CDH22: variants seen among roughly 807,000 people sequenced by gnomAD.
CDH22 encodes the protein cadherin-22.
In CDH22, 30 loss-of-function variants were observed where a neutral mutation model predicts 58.4. The ratio of observed to expected loss-of-function variants is 0.51; its 90% CI spans 0.38 to 0.70. CDH22 has a LOEUF of 0.70. Ranked by LOEUF, CDH22 falls within the 30% of genes least tolerant of loss-of-function variation. The pLI is 0.00. For missense variants in CDH22, 1,014 were observed against 1,233.9 expected, an observed-to-expected ratio of 0.82 and a Z score of 2.67; for synonymous variants, 513 against 558.2, an observed-to-expected ratio of 0.92 and a Z score of 1.14.
At chr20:46,259,140 T>C (rs1000314357) in intron 1 of CDH22, among the ~76,000 whole-genome samples, 1 of 152,162 alleles carries the variant, frequency 6.6e-6, no homozygotes, top group African/African-American at 2.4e-5. Context: ...GAACATTCCC[T>C]AATGAGCCAG....
At chr20:46,298,424 T>C (rs553701594) in intron 1 of CDH22, among the ~76,000 whole-genome samples, 1 of 152,178 alleles carries the variant, frequency 6.6e-6, no homozygotes, top group Non-Finnish European at 1.5e-5. Context: ...CTTGGATGGA[T>C]GGAGAAGTTG....
intron 8 of CDH22, among the ~76,000 whole-genome samples, chr20:46,191,892 T>A (rs1305851523): frequency 6.6e-6 from 1 of 152,084 alleles, no homozygotes; most frequent in African/African-American, 2.4e-5. Flanking sequence ...AGGCCCCCCA[T>A]GATCATCCTG....
intron 4 of CDH22, among the ~76,000 whole-genome samples, chr20:46,219,241 C>G (rs2086107716): frequency 6.6e-6 from 1 of 152,158 alleles, no homozygotes; most frequent in Non-Finnish European, 1.5e-5. Context: ...TCAGTAGGCC[C>G]CCTCCTGACC....
chr20:46,251,159 C>A lies in CDH22; in HGVS notation c.136G>T (p.Ala46Ser). ...LWAAGTPSPS[A>S]PGARQDGALG... ...GCGCCGTCCTGCCGAGCTCCGGGCGCCGACGGCGAGGGTGTGCCCGCTGCC... is the reference window on the plus strand; with the variant it reads ...GCGCCGTCCTGCCGAGCTCCGGGCGACGACGGCGAGGGTGTGCCCGCTGCC... The change falls in exon 2 of 12, where the codon GCG (alanine) becomes TCG (serine). Residue 46 changes from alanine (A) to serine (S), a missense_variant. Ala to Ser is a moderately conservative substitution (Grantham distance 99). Transcript: ENST00000537909. The surrounding 1 kb of genome is among the most constrained non-coding windows in gnomAD (Gnocchi z 6.7). The A allele has an allele frequency of 6.3e-7, 1 of 1,589,994 alleles. No homozygotes were observed.
intron 7 of CDH22, among the ~76,000 whole-genome samples, chr20:46,200,893 C>A (rs2085955783): frequency 6.6e-6 from 1 of 152,148 alleles, no homozygotes; most frequent in African/African-American, 2.4e-5. Flanking sequence ...CCCAGGGACA[C>A]GCGCTGGGCG....
At chr20:46,203,798 G>A (rs2085979004) in intron 7 of CDH22, among the ~76,000 whole-genome samples, 1 of 152,208 alleles carries the variant, frequency 6.6e-6, no homozygotes, top group Non-Finnish European at 1.5e-5. Context: ...AGTAGTCTGA[G>A]AAGGACAGGA....
intron 2 of CDH22, among the ~76,000 whole-genome samples, chr20:46,244,832 G>A (rs1012318239): frequency 2.0e-5 from 3 of 152,174 alleles, no homozygotes; most frequent in South Asian, 2.1e-4. Context: ...CACAGTCATC[G>A]GTGGCCTCTT....
intron 3 of CDH22, among the ~76,000 whole-genome samples, chr20:46,229,884 G>A (rs970733268): frequency 1.3e-5 from 2 of 152,104 alleles, no homozygotes; most frequent in African/African-American, 4.8e-5. Flanking sequence ...CACAATGCAG[G>A]GCTGAGTGAC....
At chr20:46,235,734 T>C (rs2086247552) in intron 3 of CDH22, among the ~76,000 whole-genome samples, 2 of 152,170 alleles carry the variant, frequency 1.3e-5, no homozygotes, top group Admixed American at 1.3e-4. Flanking sequence ...ACATCCAGAA[T>C]TCCATCTTGT....
In CDH22 at chr20:46,259,033, T is replaced by TTGTACTG. The variant is rs2086419629; in HGVS notation, c.-399-7341_-399-7340insCAGTACA. On this transcript the variant is annotated intron_variant, in intron 1 of 11. Coordinates refer to ENST00000537909, the MANE Select transcript of CDH22 (RefSeq NM_021248.3). ...ACACTACGTGTACTTGACTCTTCTC[T>TTGTACTG]GCCTTGGAAATAGGCCAGATGTGGT... Among the ~76,000 whole-genome samples the TTGTACTG allele has an allele frequency of 2.0e-5, 3 of 152,248 alleles. No individual in the cohort carries two copies. In the South Asian group the frequency reaches 6.2e-4, roughly 31 times the overall value.
chr20:46,274,553 C>T (rs1047142451), intron 1 of CDH22, among the ~76,000 whole-genome samples: 10 of 152,248 alleles, frequency 6.6e-5, no homozygotes, highest in Admixed American at 3.3e-4. Context: ...ATGTACTATA[C>T]GATCCAGCAG....
chr20:46,181,752 C>CTTCCTTTCTTTCTTTCTTTCTTTCT, intron 10 of CDH22, among the ~76,000 whole-genome samples: 2 of 26,264 alleles, frequency 7.6e-5, no homozygotes, highest in African/African-American at 2.5e-4. Context: ...TCCTTCCTTC[C>CTTCCTTTCTTTCTTTCTTTCTTTCT]TTCTTTCTTT....
rs926787452 is a variant in CDH22, at chr20:46,216,656, G to C, written c.838+170C>G. The stretch of plus-strand genomic sequence containing the variant: ...CCTTGGTAGGAAGCATGGTTGGAGG[G>C]GGGCTGGGGGATAGCTGGTGGCTTG... On this transcript the variant is annotated intron_variant, in intron 5 of 11. Coordinates refer to ENST00000537909, the MANE Select transcript of CDH22 (RefSeq NM_021248.3). The surrounding 1 kb of genome is among the most constrained non-coding windows in gnomAD (Gnocchi z 5.3). Among the ~76,000 whole-genome samples the C allele has an allele frequency of 3.9e-5, 6 of 152,158 alleles. No homozygotes were observed. The highest frequency in any genetic ancestry group is 7.4e-5 in the Non-Finnish European group (5 of 68,026).
rs181854953 is a variant in CDH22 at position 46,279,873 on chromosome 20, A to G, written c.-399-28180T>C. Among the ~76,000 whole-genome samples the G allele has an allele frequency of 1.7e-3, 256 of 152,370 alleles. 1 individual carries two copies. Among genetic ancestry groups the G allele is most frequent in the Middle Eastern group, 0.014 (4 of 294 alleles). ...GTTTGGAGGATCAAATTATACGTGC[A>G]GAGAGAATGTGTAATTCATTTTCTA... On this transcript the variant is annotated intron_variant, in intron 1 of 11. Coordinates refer to ENST00000537909, the MANE Select transcript of CDH22 (RefSeq NM_021248.3).
In CDH22 at chr20:46,186,605, G is replaced by A. The variant is rs763653740; in HGVS notation, c.1646C>T (p.Ser549Phe). ...VPEAPSNPHF[S>F]LLDIQDNTAA... ...AGGCTCACCTTGGATGTCAAGCAGA[G>A]AGAAATGAGGGTTGCTGGGAGCTTC... Residue 549 changes from serine to phenylalanine, a missense_variant, in exon 10 of 12, where the codon TCT becomes TTT. Ser to Phe is a radical substitution (Grantham distance 155). Coordinates refer to ENST00000537909, the MANE Select transcript of CDH22 (RefSeq NM_021248.3). 6 of 1,611,732 alleles carry A rather than the reference G, an allele frequency of 3.7e-6. No homozygotes were observed. The Admixed American group carries it at 6.7e-5, about 18-fold the overall frequency.
At chr20:46,258,907 T>G (rs2145745542) in intron 1 of CDH22, among the ~76,000 whole-genome samples, 1 of 152,278 alleles carries the variant, frequency 6.6e-6, no homozygotes, top group South Asian at 2.1e-4. Flanking sequence ...AGGAGATCCC[T>G]GTGGTAGGGG....
At chr20:46,279,416 T>C (rs1568681896) in intron 1 of CDH22, among the ~76,000 whole-genome samples, 1 of 152,068 alleles carries the variant, frequency 6.6e-6, no homozygotes, top group Non-Finnish European at 1.5e-5. Context: ...ACAAATAAAA[T>C]GGAGTGTATT....
At chr20:46,289,063 C>G (rs2086588572) in intron 1 of CDH22, among the ~76,000 whole-genome samples, 2 of 152,124 alleles carry the variant, frequency 1.3e-5, no homozygotes, top group African/African-American at 4.8e-5. Flanking sequence ...TTTTCCTACT[C>G]CCCTCTCCCT....
At chr20:46,264,685 G>T (rs1013581613) in intron 1 of CDH22, among the ~76,000 whole-genome samples, 1 of 152,208 alleles carries the variant, frequency 6.6e-6, no homozygotes, top group African/African-American at 2.4e-5. Flanking sequence ...CTGCTGGAAA[G>T]GACAGGCCTG....
Sources: allele counts gnomAD v4.1 joint callset (sites outside exome capture counted in the v4.1 genomes callset), GRCh38; gene constraint gnomAD v4.1.1; non-coding constraint Gnocchi (gnomAD v3.1); transcripts MANE v1.5; gene names NCBI Gene and HGNC (gene_info 2026-07-23, HGNC 2026-07-21).